The following PRIM2 variants were observed in gnomAD, a reference collection of about 807,000 sequenced individuals.
PRIM2 encodes the protein DNA primase large subunit.
In PRIM2, 39 loss-of-function variants were observed where a neutral mutation model predicts 67.3. The observed-to-expected ratio is 0.58, with a 90% confidence interval of 0.45 to 0.76. The LOEUF is 0.76. Ranked by LOEUF, PRIM2 falls within the 30% of genes least tolerant of loss-of-function variation. The pLI, the probability that PRIM2 is intolerant of heterozygous loss-of-function variation, is 0.00. For synonymous variants in PRIM2, 143 were observed against 198.7 expected (o/e 0.72, Z 2.36); for missense variants, 398 against 598.7 (o/e 0.66, Z 3.50).
intron 7 of PRIM2, among the ~76,000 whole-genome samples, chr6:57,478,800 G>T (rs1263221235): frequency 4.6e-5 from 7 of 152,082 alleles, no homozygotes; most frequent in African/African-American, 1.7e-4. Flanking sequence ...CCAGGGTTCT[G>T]TTCTTGTCTT....
At chr6:57,226,958 AATTCCTTT>A in the PRIM2 span, among the ~76,000 whole-genome samples, 1 of 152,182 alleles carries the variant, frequency 6.6e-6, no homozygotes, top group Non-Finnish European at 1.5e-5. Context: ...GTTCATTCTA[AATTCCTTT>A]TTGTTTTGTC....
At chr6:57,451,720 T>G (rs62399118) in intron 7 of PRIM2, among the ~76,000 whole-genome samples, 3 of 151,294 alleles carry the variant, frequency 2.0e-5, no homozygotes, top group African/African-American at 7.3e-5. Context: ...TGTATCTGTT[T>G]TGTGTGTGTG....
chr6:57,252,291 C>T, the PRIM2 span, among the ~76,000 whole-genome samples: 1 of 152,166 alleles, frequency 6.6e-6, no homozygotes, highest in African/African-American at 2.4e-5. Flanking sequence ...TATTGAGGCT[C>T]GCTATGTACT....
At chr6:57,632,962 T>C (rs2127499654) in intron 13 of PRIM2, among the ~76,000 whole-genome samples, 1 of 152,206 alleles carries the variant, frequency 6.6e-6, no homozygotes, top group Non-Finnish European at 1.5e-5. Context: ...AGAGTAAGAG[T>C]GGAATGACCC....
At chr6:57,423,621 A>C (rs1581891288) in intron 7 of PRIM2, among the ~76,000 whole-genome samples, 1 of 152,226 alleles carries the variant, frequency 6.6e-6, no homozygotes, top group East Asian at 1.9e-4. Context: ...ATCGGAGACT[A>C]AGACGTGGTC....
intron 9 of PRIM2, among the ~76,000 whole-genome samples, chr6:57,532,894 T>C (rs1581974047): frequency 6.6e-6 from 1 of 151,840 alleles, no homozygotes; most frequent in East Asian, 1.9e-4. Flanking sequence ...GGATAGTAGG[T>C]TTGATTTCTT....
At chr6:57,529,035 G>A (rs1267320759) in intron 8 of PRIM2, among the ~76,000 whole-genome samples, 2 of 152,286 alleles carry the variant, frequency 1.3e-5, no homozygotes, top group East Asian at 1.9e-4. Flanking sequence ...AACCAGCCGG[G>A]CGCAGTGGCT....
At chr6:57,566,173 A>AT (rs1160143924) in intron 10 of PRIM2, among the ~76,000 whole-genome samples, 55,925 of 134,056 alleles carry the variant, frequency 0.42, 11,430 homozygotes, top group East Asian at 0.71. Flanking sequence ...TGTATAACCC[A>AT]TTTTTTTTTT....
chr6:57,227,698 A>T, the PRIM2 span, among the ~76,000 whole-genome samples: 1 of 152,072 alleles, frequency 6.6e-6, no homozygotes, highest in Non-Finnish European at 1.5e-5. Context: ...CTCTCATAAA[A>T]TAAGTAGAAG....
At chr6:57,480,487 TGTATGTGA>T (rs1773593479) in intron 7 of PRIM2, among the ~76,000 whole-genome samples, 1 of 152,232 alleles carries the variant, frequency 6.6e-6, no homozygotes, top group Admixed American at 6.5e-5. Context: ...TGTGTGCTTG[TGTATGTGA>T]GTATGGAATT....
intron 5 of PRIM2, among the ~76,000 whole-genome samples, chr6:57,365,946 T>A (rs1433419879): frequency 2.9e-5 from 2 of 68,188 alleles, no homozygotes; most frequent in East Asian, 4.4e-4. Flanking sequence ...TGAGACCATA[T>A]CTCAAAAAAA....
chr6:57,255,291 G>A, the PRIM2 span, among the ~76,000 whole-genome samples: 12 of 152,092 alleles, frequency 7.9e-5, no homozygotes, highest in African/African-American at 2.2e-4. Flanking sequence ...GAGGTCAGGA[G>A]ATCAAGACCA....
intron 7 of PRIM2, among the ~76,000 whole-genome samples, chr6:57,440,911 T>G (rs1376627746): frequency 6.6e-6 from 1 of 152,150 alleles, no homozygotes; most frequent in Non-Finnish European, 1.5e-5. Context: ...TGGTGCAAAA[T>G]AAGTATAGCA....
At chr6:57,263,269 A>G in the PRIM2 span, among the ~76,000 whole-genome samples, 1 of 152,238 alleles carries the variant, frequency 6.6e-6, no homozygotes, top group Non-Finnish European at 1.5e-5. Context: ...TATACCAAGA[A>G]TTGGCTTAAA....
chr6:57,309,566 T>C, the PRIM2 span, among the ~76,000 whole-genome samples: 1 of 152,172 alleles, frequency 6.6e-6, no homozygotes, highest in African/African-American at 2.4e-5. Context: ...AGTCTATCAT[T>C]GTTGGACATT....
chr6:57,420,646 A>T (rs568305704), intron 7 of PRIM2, among the ~76,000 whole-genome samples: 1 of 152,368 alleles, frequency 6.6e-6, no homozygotes, highest in Admixed American at 6.5e-5. Flanking sequence ...AAGATAAGGC[A>T]GCAAAATGAA....
chr6:57,466,829 C>G (rs1773208254), intron 7 of PRIM2, among the ~76,000 whole-genome samples: 1 of 152,048 alleles, frequency 6.6e-6, no homozygotes, highest in Admixed American at 6.5e-5. Context: ...TAATTAGATC[C>G]CATTTGTTGG....
intron 10 of PRIM2, among the ~76,000 whole-genome samples, chr6:57,582,215 G>T (rs1331654843): frequency 4.0e-5 from 6 of 151,748 alleles, no homozygotes; most frequent in African/African-American, 1.5e-4. Flanking sequence ...GCTGCACTAG[G>T]TAAGGTCTGA....
intron 7 of PRIM2, among the ~76,000 whole-genome samples, chr6:57,453,850 T>C (rs1772650192): frequency 6.6e-6 from 1 of 152,190 alleles, no homozygotes; most frequent in Non-Finnish European, 1.5e-5. Context: ...AGAGAGGGCA[T>C]CCCTGTCTTG....
Sources: allele counts gnomAD v4.1 joint callset (sites outside exome capture counted in the v4.1 genomes callset), GRCh38; gene constraint gnomAD v4.1.1; transcripts MANE v1.5; gene names NCBI Gene and HGNC (gene_info 2026-07-23, HGNC 2026-07-21).